The following PHACTR1 variants were observed in gnomAD, a reference collection of about 807,000 sequenced individuals.
PHACTR1 encodes the protein RPEL repeat containing 1.
A neutral mutation model predicts 69.2 loss-of-function variants in PHACTR1; 16 were observed. That is an observed-to-expected ratio of 0.23 (90% confidence interval 0.16 to 0.35). PHACTR1 has a LOEUF of 0.35. Ranked by LOEUF, PHACTR1 falls within the 10% of genes least tolerant of loss-of-function variation. The pLI is 1.00. For synonymous variants in PHACTR1, 312 were observed against 284.5 expected (o/e 1.10, Z -0.97); for missense variants, 510 against 734.7 (o/e 0.69, Z 3.54).
chr6:12,914,548 C>T (rs1024463129), intron 4 of PHACTR1, among the ~76,000 whole-genome samples: 2 of 152,094 alleles, frequency 1.3e-5, no homozygotes, highest in Non-Finnish European at 2.9e-5. Context: ...TATTTGATTT[C>T]TCCGCCTGGA....
chr6:13,044,913 C>T (rs1024805495), intron 4 of PHACTR1, among the ~76,000 whole-genome samples: 1 of 150,946 alleles, frequency 6.6e-6, no homozygotes, highest in African/African-American at 2.4e-5. Flanking sequence ...TTCGCCAGGG[C>T]ACCTACAGAC....
chr6:12,830,396 CT>C (rs1777407595), intron 4 of PHACTR1, among the ~76,000 whole-genome samples: 1 of 150,966 alleles, frequency 6.6e-6, no homozygotes, highest in African/African-American at 2.4e-5. Flanking sequence ...TCATTTTCTG[CT>C]TTATGGAATC....
chr6:12,891,870 C>CGCCCAAGCTCCAGTTTCGA (rs1784201263), intron 4 of PHACTR1, among the ~76,000 whole-genome samples: 1 of 152,184 alleles, frequency 6.6e-6, no homozygotes. Flanking sequence ...GTCTTTTAAA[C>CGCCCAAGCTCCAGTTTCGA]GCCCAAGCTC....
chr6:12,765,017 T>C (rs141494955), intron 4 of PHACTR1, among the ~76,000 whole-genome samples: 20 of 152,276 alleles, frequency 1.3e-4, no homozygotes, highest in Non-Finnish European at 2.4e-4. Flanking sequence ...AGCTGGCTTA[T>C]TTATGCAATG....
chr6:13,199,090 A>G (rs533020299), intron 7 of PHACTR1, among the ~76,000 whole-genome samples: 6 of 152,258 alleles, frequency 3.9e-5, no homozygotes, highest in African/African-American at 1.2e-4. Context: ...TGGAAACACT[A>G]CTTTAAGAAG....
intron 5 of PHACTR1, among the ~76,000 whole-genome samples, chr6:13,142,403 C>T (rs780195867): frequency 3.9e-5 from 6 of 152,066 alleles, no homozygotes; most frequent in African/African-American, 1.2e-4. Context: ...CGCATCTGGC[C>T]GAGAATCCAA....
intron 4 of PHACTR1, among the ~76,000 whole-genome samples, chr6:12,807,937 G>A (rs1310238997): frequency 6.6e-6 from 1 of 152,198 alleles, no homozygotes; most frequent in Non-Finnish European, 1.5e-5. Context: ...TTTGAGGAGA[G>A]TAAAGATTTA....
chr6:13,243,910 T>C (rs1220706483), intron 10 of PHACTR1, among the ~76,000 whole-genome samples: 2 of 152,230 alleles, frequency 1.3e-5, no homozygotes, highest in Admixed American at 6.5e-5. Flanking sequence ...CCATCAGTGT[T>C]ACTGCAAAGA....
At chr6:12,850,102 T>C (rs559567977) in intron 4 of PHACTR1, among the ~76,000 whole-genome samples, 1 of 152,352 alleles carries the variant, frequency 6.6e-6, no homozygotes, top group South Asian at 2.1e-4. Flanking sequence ...GGACTGAAAC[T>C]TGGAATCGTC....
At chr6:12,966,548 T>C (rs1392047508) in intron 4 of PHACTR1, among the ~76,000 whole-genome samples, 1 of 152,194 alleles carries the variant, frequency 6.6e-6, no homozygotes, top group Non-Finnish European at 1.5e-5. Context: ...CTCTAGTTTC[T>C]TGTTTTTATT....
At chr6:12,808,882 G>A (rs1463889547) in intron 4 of PHACTR1, among the ~76,000 whole-genome samples, 8 of 149,594 alleles carry the variant, frequency 5.3e-5, no homozygotes, top group African/African-American at 2.0e-4. Context: ...CTTTGGGGGC[G>A]GTGGGTGGTG....
intron 5 of PHACTR1, among the ~76,000 whole-genome samples, chr6:13,065,637 G>A (rs889481929): frequency 9.9e-5 from 15 of 152,138 alleles, no homozygotes; most frequent in Non-Finnish European, 1.9e-4. Flanking sequence ...AAAAGGGGAT[G>A]TGAGCTTGAG....
intron 4 of PHACTR1, among the ~76,000 whole-genome samples, chr6:12,900,302 G>A (rs1287709322): frequency 5.9e-5 from 9 of 151,388 alleles, no homozygotes; most frequent in Non-Finnish European, 4.4e-5. Flanking sequence ...TTTCGAAGCG[G>A]ATACCTTTAT....
At chr6:12,773,607 A>C (rs539437787) in intron 4 of PHACTR1, among the ~76,000 whole-genome samples, 6 of 152,054 alleles carry the variant, frequency 3.9e-5, no homozygotes, top group East Asian at 1.9e-4. Flanking sequence ...AGTTAATCTC[A>C]TGGCCCAATT....
intron 4 of PHACTR1, among the ~76,000 whole-genome samples, chr6:12,850,573 G>T (rs1356643767): frequency 6.6e-6 from 1 of 152,190 alleles, no homozygotes; most frequent in African/African-American, 2.4e-5. Context: ...TTGTTTCCCA[G>T]TACTGCTGTA....
In PHACTR1 at chr6:13,160,400, T is replaced by A. The variant is rs1382720609; in HGVS notation, c.496+116T>A. ...TCACCAGATATCAGGATTTGAACCA[T>A]TAAAACTCCAGACAGTTCTAGAGAG... is the stretch of plus-strand genomic sequence containing the variant. On this transcript the variant is annotated intron_variant, in intron 6 of 14. Transcript: ENST00000332995. 100 of 918,056 alleles carry A rather than the reference T, an allele frequency of 1.1e-4. 2 individuals carry two copies. The Admixed American group carries it at 1.9e-3, about 17-fold the overall frequency. The allele number at this position is 918,056 out of a possible 1,614,324, so 56.9% of individuals were successfully genotyped here. A position where few individuals can be genotyped will look rare whatever the true frequency, so the allele number is the denominator to read the frequency against.
At chr6:12,743,237 C>G (rs1765309353) in intron 3 of PHACTR1, among the ~76,000 whole-genome samples, 1 of 150,694 alleles carries the variant, frequency 6.6e-6, no homozygotes, top group African/African-American at 2.4e-5. Context: ...ACACTAGAAT[C>G]TAATAACAGG....
At chr6:13,137,142 G>C (rs190550213) in intron 5 of PHACTR1, among the ~76,000 whole-genome samples, 209 of 152,264 alleles carry the variant, frequency 1.4e-3, no homozygotes, top group Non-Finnish European at 2.5e-3. Context: ...TTTTGTTATG[G>C]GGGAAAAGCT....
At chr6:12,952,599 GTTTA>G (rs1791427667) in intron 4 of PHACTR1, among the ~76,000 whole-genome samples, 2 of 152,118 alleles carry the variant, frequency 1.3e-5, no homozygotes, top group Admixed American at 6.5e-5. Context: ...AGATGTACCA[GTTTA>G]TTTATGCATA....
Sources: gnomAD v4.1 joint callset for allele counts (sites outside exome capture counted in the v4.1 genomes callset) on GRCh38, gnomAD v4.1.1 for gene constraint, MANE v1.5 for transcripts, NCBI Gene and HGNC (gene_info 2026-07-23, HGNC 2026-07-21) for gene names.